Variants in DYRK4 observed in about 807,000 individuals in gnomAD.
The protein encoded by DYRK4 is dual specificity tyrosine-phosphorylation-regulated kinase 4.
DYRK4 carries 64 observed loss-of-function variants against 68.3 expected under a neutral mutation model. The observed-to-expected ratio is 0.94, with a 90% CI of 0.77 to 1.15. DYRK4 has a LOEUF of 1.15. Ranked by LOEUF, DYRK4 falls within the 50% of genes most tolerant of loss-of-function variation. The probability of loss-of-function intolerance (pLI) is 0.00; values close to 1 mark genes in which losing one functional copy is unlikely to be tolerated. For missense variants in DYRK4, 740 were observed against 764.7 expected, an observed-to-expected ratio of 0.97 and a Z score of 0.38; for synonymous variants, 274 against 289.9, an observed-to-expected ratio of 0.95 and a Z score of 0.56.
intron 12 of DYRK4, among the ~76,000 whole-genome samples, chr12:4,607,796 A>G (rs1441987239): frequency 6.6e-6 from 1 of 152,204 alleles, no homozygotes; most frequent in Non-Finnish European, 1.5e-5. Flanking sequence ...GGAAAATTCC[A>G]TTGCTGCATT....
chr12:4,596,475 G>A (rs1322385323), intron 7 of DYRK4, 114 bp from the exon 8 acceptor site: 16 of 1,502,314 alleles, frequency 1.1e-5, no homozygotes, highest in South Asian at 1.3e-5. Context: ...AGTGCTTCCT[G>A]CCACTAGACA....
intron 2 of DYRK4, among the ~76,000 whole-genome samples, chr12:4,573,562 AAT>A (rs1273432404): frequency 6.6e-6 from 1 of 152,202 alleles, no homozygotes; most frequent in Admixed American, 6.5e-5. Context: ...GGCCATGACA[AAT>A]AGAGTATCAG....
intron 13 of DYRK4, among the ~76,000 whole-genome samples, chr12:4,611,790 C>G (rs1303279733): frequency 3.3e-5 from 5 of 152,106 alleles, no homozygotes; most frequent in African/African-American, 1.2e-4. Flanking sequence ...ATGGTGAAAA[C>G]CATATCATAT....
At chr12:4,603,235 G>T in intron 10 of DYRK4, 2 of 1,003,056 alleles carry the variant, frequency 2.0e-6, no homozygotes, top group South Asian at 1.3e-5. Context: ...AAAGCTGTTT[G>T]CTGTGTTCTA....
intron 2 of DYRK4, among the ~76,000 whole-genome samples, chr12:4,574,786 C>G (rs1411037392): frequency 1.3e-5 from 2 of 152,170 alleles, no homozygotes; most frequent in Non-Finnish European, 2.9e-5. Flanking sequence ...GGTGCGATCT[C>G]GGCTCACTGC....
chr12:4,582,728 C>T (rs891985719), intron 2 of DYRK4, among the ~76,000 whole-genome samples: 19 of 152,164 alleles, frequency 1.2e-4, no homozygotes, highest in African/African-American at 4.1e-4. Flanking sequence ...GAGAACATTC[C>T]GAGCAGAAAC....
At chr12:4,565,070 C>T (rs1051124391) in intron 1 of DYRK4, among the ~76,000 whole-genome samples, 1 of 152,228 alleles carries the variant, frequency 6.6e-6, no homozygotes, top group African/African-American at 2.4e-5. Context: ...GGAACATTCA[C>T]TCTAGCTCTG....
At chr12:4,570,317 A>G (rs1031831377) in intron 2 of DYRK4, among the ~76,000 whole-genome samples, 3 of 152,222 alleles carry the variant, frequency 2.0e-5, no homozygotes, top group Admixed American at 6.5e-5. Context: ...ATTACTGGCA[A>G]ATTCACAATG....
chr12:4,570,144 G>A (rs1177164076), intron 2 of DYRK4, among the ~76,000 whole-genome samples: 5 of 151,748 alleles, frequency 3.3e-5, no homozygotes, highest in Non-Finnish European at 7.4e-5. Flanking sequence ...GGGAGCCTGA[G>A]GTAGTAGGAT....
intron 2 of DYRK4, among the ~76,000 whole-genome samples, chr12:4,585,009 G>A (rs368572192): frequency 1.3e-5 from 2 of 152,234 alleles, no homozygotes; most frequent in East Asian, 1.9e-4. Context: ...CTCACAAGAC[G>A]GCAGAGGAGG....
In DYRK4 at chr12:4,562,302, C is replaced by A; in HGVS notation, c.38+19C>A. On this transcript the variant is annotated intron_variant, in intron 1 of 14. Coordinates refer to ENST00000543431, the MANE Select transcript of DYRK4 (RefSeq NM_001394779.1). ...GAACAAAGTAAGGGCCGCGGAGGCT[C>A]GTACTTCACGAGCAGTCAGGCGCGA... The A allele has an allele frequency of 3.9e-6, 6 of 1,531,152 alleles. No individual in the cohort carries two copies. Among genetic ancestry groups the A allele is most frequent in the Non-Finnish European group, 1.7e-6 (2 of 1,144,662 alleles). 94.8% of individuals were successfully genotyped at this position (1,531,152 alleles called of 1,614,324 possible). A position where few individuals can be genotyped will look rare whatever the true frequency, so the allele number is the denominator to read the frequency against.
Position 4,607,361 on chromosome 12 carries a change from CA to C in DYRK4, c.1335del (p.Ala446ProfsTer17). 1 of 1,614,242 alleles carries C rather than the reference CA, an allele frequency of 6.2e-7. No individual in the cohort carries two copies. Among genetic ancestry groups the C allele is most frequent in the Non-Finnish European group, 8.5e-7 (1 of 1,180,038 alleles). On this transcript the variant is annotated frameshift_variant, in exon 12 of 15. Transcript: ENST00000543431. LOFTEE classifies it high-confidence loss of function. ...CTGCCGCCAGCCGGCTTCATTCAGA[CA>C]GCCTCCAGGAGACAGACATTCTTTG... is the stretch of plus-strand genomic sequence containing the variant. ...LGLPPAGFIQ[T>X]ASRRQTFFDS...
intron 10 of DYRK4, 130 bp from the exon 11 acceptor site, chr12:4,604,784 G>C (rs1565541729): frequency 4.3e-6 from 5 of 1,154,600 alleles, no homozygotes; most frequent in Non-Finnish European, 5.8e-6. Context: ...GGAGTTCTAA[G>C]TGCTGGCCAG....
chr12:4,590,021 G>A, intron 3 of DYRK4: 1 of 482,234 alleles, frequency 2.1e-6, no homozygotes, highest in Non-Finnish European at 2.9e-6. Context: ...TTATGAGGTA[G>A]GCCCCATTTT....
chr12:4,588,259 C>T (rs1344469851), intron 2 of DYRK4, among the ~76,000 whole-genome samples: 1 of 152,090 alleles, frequency 6.6e-6, no homozygotes, highest in Non-Finnish European at 1.5e-5. Flanking sequence ...TTAATCTCAT[C>T]CTACATAATA....
intron 3 of DYRK4, 22 bp downstream of exon 3, chr12:4,589,039 C>T: frequency 6.5e-7 from 1 of 1,534,960 alleles, no homozygotes; most frequent in Non-Finnish European, 8.7e-7. Context: ...TGGTCAGCTC[C>T]TTTTCTCTAG....
chr12:4,599,311 C>A, intron 9 of DYRK4, 145 bp downstream of exon 9: 3 of 810,898 alleles, frequency 3.7e-6, no homozygotes, highest in Non-Finnish European at 5.5e-6. Context: ...ACTGTCATGG[C>A]AGTATATCAA....
chr12:4,566,637 G>GT (rs1480973778), intron 1 of DYRK4, among the ~76,000 whole-genome samples: 1 of 152,228 alleles, frequency 6.6e-6, no homozygotes, highest in African/African-American at 2.4e-5. Flanking sequence ...TGGATAAGGA[G>GT]TTTTCTTTGA....
At chr12:4,602,408 T>A (rs1319264465) in intron 10 of DYRK4, 2 of 946,046 alleles carry the variant, frequency 2.1e-6, no homozygotes, top group Non-Finnish European at 3.4e-6. Context: ...AAAGACAGTA[T>A]GTTGAGGTCA....
Sources: gnomAD v4.1 joint callset for allele counts (sites outside exome capture counted in the v4.1 genomes callset) on GRCh38, gnomAD v4.1.1 for gene constraint, MANE v1.5 for transcripts, NCBI Gene and HGNC (gene_info 2026-07-23, HGNC 2026-07-21) for gene names.